MAPK9: variants seen among roughly 807,000 people sequenced by gnomAD.
The protein encoded by MAPK9 is Jun kinase.
Under a neutral mutation model 57.1 loss-of-function variants are expected in MAPK9, and 30 were observed. That is an observed-to-expected ratio of 0.53 (90% CI 0.39 to 0.71). MAPK9 has a LOEUF of 0.71. Among genes scored for constraint, MAPK9 ranks in the 30% least tolerant of loss-of-function variants. MAPK9 has a pLI of 0.00. For synonymous variants in MAPK9, 155 were observed against 177.0 expected, an observed-to-expected ratio of 0.88 and a Z score of 0.99; for missense variants, 362 against 521.0, an observed-to-expected ratio of 0.69 and a Z score of 2.97.
intron 2 of MAPK9, among the ~76,000 whole-genome samples, chr5:180,271,536 C>T (rs1319616493): frequency 1.3e-5 from 2 of 152,200 alleles, no homozygotes; most frequent in African/African-American, 4.8e-5. Flanking sequence ...CTGAAGGGAA[C>T]GTCTTGACTT....
intron 1 of MAPK9, among the ~76,000 whole-genome samples, chr5:180,286,824 T>A (rs927528605): frequency 6.6e-6 from 1 of 152,216 alleles, no homozygotes; most frequent in African/African-American, 2.4e-5. Context: ...TCACTCCACG[T>A]GAGAATATGT....
chr5:180,261,155 T>C (rs993830435), intron 5 of MAPK9, among the ~76,000 whole-genome samples: 2 of 152,140 alleles, frequency 1.3e-5, no homozygotes. Flanking sequence ...CGGTGCAGGG[T>C]CTGGCCACTC....
At chr5:180,283,783 AAAATT>A (rs1278100910) in intron 1 of MAPK9, among the ~76,000 whole-genome samples, 4 of 152,150 alleles carry the variant, frequency 2.6e-5, no homozygotes, top group African/African-American at 9.7e-5. Context: ...TAAAAATACA[AAAATT>A]AGCCGGGTGT....
rs1761038688 is a variant in MAPK9, at chr5:180,269,378, C to A, written c.154G>T (p.Val52Phe). The A allele has an allele frequency of 1.9e-6, 3 of 1,613,988 alleles. No homozygotes were observed. The highest frequency in any genetic ancestry group is 2.5e-6 in the Non-Finnish European group (3 of 1,179,970). The change falls in exon 3 of 12, where the codon GTT becomes TTT. Residue 52 changes from valine (V) to phenylalanine (F), a missense_variant. Coordinates refer to ENST00000452135, the MANE Select transcript of MAPK9 (RefSeq NM_002752.5). ...AAFDTVLGIN[V>F]AVKKLSRPFQ... is the part of the protein sequence containing the mutation. Reference sequence around the variant, plus strand: ...GGACGGCTTAGTTTCTTGACTGCAACATTTATCCCAAGAACTGTATCAAAT... The same window carrying A: ...GGACGGCTTAGTTTCTTGACTGCAAAATTTATCCCAAGAACTGTATCAAAT...
chr5:180,236,557 C>T, intron 11 of MAPK9, 31 bp from the exon 12 acceptor site: 2 of 1,601,440 alleles, frequency 1.2e-6, no homozygotes, highest in Non-Finnish European at 1.7e-6. Context: ...ATAATAAAAT[C>T]TGAGGCACGA....
intron 1 of MAPK9, 102 bp downstream of exon 1, chr5:180,291,746 G>A (rs1406329113): frequency 1.3e-5 from 2 of 149,448 alleles, no homozygotes; most frequent in Non-Finnish European, 3.0e-5. Context: ...CGCAGCCCCC[G>A]GCCCGCCCCG....
rs535196329 is a variant in MAPK9, at chr5:180,251,089, A to C, written c.451-1951T>G. On this transcript the variant is annotated intron_variant, in intron 5 of 11. Coordinates refer to ENST00000452135, the MANE Select transcript of MAPK9 (RefSeq NM_002752.5). ...CTTTAAAAACCCAAAATGAATGCCC[A>C]TTTTTAGTCTATCACTTGGCAGCGA... is the stretch of plus-strand genomic sequence containing the variant. 2.0e-5 allele frequency among the ~76,000 whole-genome samples: 3 copies of C among 152,344 alleles called. No homozygotes were observed. In the South Asian group the frequency reaches 6.2e-4, roughly 32 times the overall value.
intron 4 of MAPK9, among the ~76,000 whole-genome samples, chr5:180,263,406 C>T (rs1323684611): frequency 6.6e-6 from 1 of 152,162 alleles, no homozygotes; most frequent in Non-Finnish European, 1.5e-5. Context: ...CATGCCCCCA[C>T]CCCTTATAGT....
chr5:180,267,561 C>CAAAAA (rs34776289), intron 3 of MAPK9, among the ~76,000 whole-genome samples: 68 of 89,716 alleles, frequency 7.6e-4, no homozygotes, highest in East Asian at 1.6e-3. Context: ...GACTCCGTCT[C>CAAAAA]AAAAAAAAAA....
intron 2 of MAPK9, 132 bp downstream of exon 2, chr5:180,280,308 A>T: frequency 8.3e-7 from 1 of 1,201,966 alleles, no homozygotes; most frequent in Non-Finnish European, 1.1e-6. Flanking sequence ...CAAGCAGTTG[A>T]TTCAATTTAG....
rs939190400 is a variant in MAPK9 at position 180,233,590 on chromosome 5, T to C, written c.*2794A>G. Reference sequence around the variant, plus strand: ...AAACACACAAAAATTGGACATGCTATACATTTATCTTTTAAAATGTAGTCT... The same window carrying C: ...AAACACACAAAAATTGGACATGCTACACATTTATCTTTTAAAATGTAGTCT... On this transcript the variant is annotated 3_prime_UTR_variant, in exon 12 of 12. Coordinates refer to ENST00000452135, the MANE Select transcript of MAPK9 (RefSeq NM_002752.5). 2 of 152,256 alleles carry C rather than the reference T, an allele frequency of 1.3e-5. No individual in the cohort carries two copies. Among genetic ancestry groups the C allele is most frequent in the Non-Finnish European group, 1.5e-5 (1 of 68,046 alleles). The allele number at this position is 152,256 out of a possible 1,614,324, so 9.4% of individuals were successfully genotyped here. A position where few individuals can be genotyped will look rare whatever the true frequency, so the allele number is the denominator to read the frequency against.
chr5:180,269,509 C>G (rs889301405), intron 2 of MAPK9, 100 bp from the exon 3 acceptor site: 2 of 1,180,406 alleles, frequency 1.7e-6, no homozygotes, highest in East Asian at 2.5e-5. Context: ...TAATAAGTAA[C>G]AAGGAAAAAT....
intron 1 of MAPK9, among the ~76,000 whole-genome samples, chr5:180,289,156 G>A (rs1228234830): frequency 6.6e-6 from 1 of 152,200 alleles, no homozygotes; most frequent in Non-Finnish European, 1.5e-5. Flanking sequence ...TATGCCTCAT[G>A]AAAACAACTG....
intron 1 of MAPK9, among the ~76,000 whole-genome samples, chr5:180,288,936 TTAAAA>T: frequency 6.6e-6 from 1 of 152,270 alleles, no homozygotes; most frequent in East Asian, 1.9e-4. Flanking sequence ...ATAATAAAAG[TTAAAA>T]TAAAAAGAAT....
At chr5:180,257,813 C>T (rs967876025) in intron 5 of MAPK9, 1 of 169,392 alleles carries the variant, frequency 5.9e-6, no homozygotes, top group African/African-American at 2.4e-5. Context: ...GGCCAGATTC[C>T]AAATCTGAAC....
At chr5:180,243,655 T>C (rs1010274911) in intron 7 of MAPK9, among the ~76,000 whole-genome samples, 6 of 152,336 alleles carry the variant, frequency 3.9e-5, no homozygotes, top group Admixed American at 2.6e-4. Context: ...AACTGGTACA[T>C]GAACTCAGTT....
intron 5 of MAPK9, among the ~76,000 whole-genome samples, chr5:180,250,911 G>A (rs115857352): frequency 1.1e-3 from 163 of 152,244 alleles, no homozygotes; most frequent in African/African-American, 3.6e-3. Context: ...AACCAGGGAC[G>A]CTCCGCTGTG....
chr5:180,248,000 A>AC lies in MAPK9; in HGVS notation c.617-491dup. ...TTCTTCAAACCCCCTCCCAGGACAA[A>AC]CCCGGTACACGTCACTAGCTTGCCG... On this transcript the variant is annotated intron_variant, in intron 6 of 11. Transcript: ENST00000452135. This position sits in a 1 kb window ranked among gnomAD's most constrained non-coding sequence, Gnocchi z 4.5. The AC allele has an allele frequency of 7.1e-7, 1 of 1,413,134 alleles. No homozygotes were observed. Among genetic ancestry groups the AC allele is most frequent in the Non-Finnish European group, 9.8e-7 (1 of 1,024,762 alleles). The allele number at this position is 1,413,134 out of a possible 1,614,324, so 87.5% of individuals were successfully genotyped here.
chr5:180,262,054 A>G (rs1048139391), intron 4 of MAPK9, among the ~76,000 whole-genome samples: 2 of 152,172 alleles, frequency 1.3e-5, no homozygotes, highest in Middle Eastern at 3.2e-3. Context: ...CATGGTAAAT[A>G]GAATCTCAAA....
Sources: gnomAD v4.1 joint callset for allele counts (sites outside exome capture counted in the v4.1 genomes callset) on GRCh38, gnomAD v4.1.1 for gene constraint, Gnocchi (gnomAD v3.1) non-coding constraint, MANE v1.5 for transcripts, NCBI Gene and HGNC (gene_info 2026-07-23, HGNC 2026-07-21) for gene names.